IL1RAPL1: variants seen among roughly 807,000 people sequenced by gnomAD.
IL1RAPL1 encodes the protein interleukin 1 receptor accessory protein like 1.
Under a neutral mutation model 48.4 loss-of-function variants are expected in IL1RAPL1, and 3 were observed. The ratio of observed to expected loss-of-function variants is 0.06; its 90% CI spans 0.03 to 0.16. The LOEUF is 0.16. Ranked by LOEUF, IL1RAPL1 falls within the 10% of genes least tolerant of loss-of-function variation. The pLI, the probability that IL1RAPL1 is intolerant of heterozygous loss-of-function variation, is 1.00. For synonymous variants in IL1RAPL1, 185 were observed against 187.7 expected, an observed-to-expected ratio of 0.99 and a Z score of 0.12; for missense variants, 349 against 530.6, an observed-to-expected ratio of 0.66 and a Z score of 3.36.
rs1408893382 is a variant in IL1RAPL1, at chrX:29,350,161, A to C, written c.363-46097A>C. ...AAGTAGCATGGAGAAGAACAAGACC[A>C]GCCCCTCCCTTGGTCTACATACTGT... On this transcript the variant is annotated intron_variant, in intron 3 of 10. Transcript: ENST00000378993. Among the ~76,000 whole-genome samples, 7 of 87,390 alleles carry C rather than the reference A, an allele frequency of 8.0e-5. No individual in the cohort carries two copies. In the East Asian group the frequency reaches 1.1e-3, roughly 14 times the overall value. 75.9% of individuals were successfully genotyped at this position (87,390 alleles called of 115,157 possible).
chrX:29,713,317 C>T (rs995133486), intron 6 of IL1RAPL1, among the ~76,000 whole-genome samples: 8 of 111,453 alleles, frequency 7.2e-5, no homozygotes, highest in Admixed American at 9.6e-5. Context: ...ATACAGTTCT[C>T]CACCAAGTAG....
At chrX:28,938,080 T>C (rs1298243050) in intron 2 of IL1RAPL1, among the ~76,000 whole-genome samples, 1 of 111,662 alleles carries the variant, frequency 9.0e-6, no homozygotes, top group Non-Finnish European at 1.9e-5. Flanking sequence ...ATTATTAAAA[T>C]GGCAATACTA....
chrX:29,550,720 C>T (rs1921787712), intron 5 of IL1RAPL1, among the ~76,000 whole-genome samples: 1 of 111,554 alleles, frequency 9.0e-6, no homozygotes, highest in Non-Finnish European at 1.9e-5. Context: ...AGCTATTTTA[C>T]TGGTCCAGGG....
chrX:29,770,789 C>T (rs1929047285), intron 6 of IL1RAPL1, among the ~76,000 whole-genome samples: 1 of 112,339 alleles, frequency 8.9e-6, no homozygotes, highest in African/African-American at 3.2e-5. Flanking sequence ...AATTTTTATG[C>T]AGAATTTCAG....
At chrX:29,885,609 A>G (rs911818267) in intron 6 of IL1RAPL1, among the ~76,000 whole-genome samples, 1 of 111,650 alleles carries the variant, frequency 9.0e-6, no homozygotes, top group Non-Finnish European at 1.9e-5. Flanking sequence ...CCAGGACTTC[A>G]AGACCAGCAT....
intron 2 of IL1RAPL1, among the ~76,000 whole-genome samples, chrX:29,264,746 G>A (rs923043181): frequency 3.6e-5 from 4 of 110,291 alleles, no homozygotes; most frequent in Non-Finnish European, 7.6e-5. Flanking sequence ...TACTCTCTAT[G>A]TACCTGTTTA....
At chrX:29,397,767 T>C in intron 4 of IL1RAPL1, among the ~76,000 whole-genome samples, 1 of 111,544 alleles carries the variant, frequency 9.0e-6, no homozygotes, top group South Asian at 3.7e-4. Flanking sequence ...CCCTTTTTTT[T>C]CTTAGTACTC....
chrX:28,968,781 ATGTGTGTG>A (rs1924983992), intron 2 of IL1RAPL1, among the ~76,000 whole-genome samples: 1 of 113,000 alleles, frequency 8.8e-6, no homozygotes, highest in African/African-American at 3.2e-5. Flanking sequence ...ATTTGTGTGC[ATGTGTGTG>A]CACATACACA....
chrX:28,755,289 C>T (rs2147248083), intron 1 of IL1RAPL1, among the ~76,000 whole-genome samples: 1 of 112,654 alleles, frequency 8.9e-6, no homozygotes, highest in East Asian at 2.8e-4. Flanking sequence ...AGCCACCACA[C>T]TTGGCCTCAT....
intron 1 of IL1RAPL1, among the ~76,000 whole-genome samples, chrX:28,653,136 A>G (rs1287934532): frequency 8.9e-6 from 1 of 112,099 alleles, no homozygotes; most frequent in Admixed American, 9.5e-5. Context: ...TTTCAATACA[A>G]CATAATAAAG....
intron 5 of IL1RAPL1, among the ~76,000 whole-genome samples, chrX:29,408,066 G>T (rs1298559187): frequency 9.0e-6 from 1 of 111,606 alleles, no homozygotes. Flanking sequence ...TCTTCTGCCA[G>T]ATATATGTGG....
At chrX:28,980,768 A>C (rs927169799) in intron 2 of IL1RAPL1, among the ~76,000 whole-genome samples, 5 of 109,821 alleles carry the variant, frequency 4.6e-5, no homozygotes, top group African/African-American at 1.3e-4. Context: ...TTAAGGCTCA[A>C]GGGTCAAGTA....
intron 6 of IL1RAPL1, among the ~76,000 whole-genome samples, chrX:29,756,627 G>A (rs1205225455): frequency 9.0e-6 from 1 of 110,933 alleles, no homozygotes; most frequent in African/African-American, 3.3e-5. Context: ...TGGCCAGGCT[G>A]GTCTCGAACT....
intron 6 of IL1RAPL1, among the ~76,000 whole-genome samples, chrX:29,715,368 A>G (rs1927454501): frequency 9.0e-6 from 1 of 111,238 alleles, no homozygotes; most frequent in Non-Finnish European, 1.9e-5. Context: ...ATTCCTAACA[A>G]CTTCCAAAGT....
chrX:29,362,784 A>C (rs1260200162), intron 3 of IL1RAPL1, among the ~76,000 whole-genome samples: 3 of 112,114 alleles, frequency 2.7e-5, no homozygotes, highest in African/African-American at 9.7e-5. Flanking sequence ...CCTATTGCTC[A>C]TCGGAGTGAT....
At chrX:29,544,921 TCTGA>T (rs10590024) in intron 5 of IL1RAPL1, among the ~76,000 whole-genome samples, 5,675 of 110,387 alleles carry the variant, frequency 0.051, 228 homozygotes, top group African/African-American at 0.12. Context: ...TCTAATTCAG[TCTGA>T]CTGTCATCCT....
chrX:29,771,132 C>T (rs1161124108), intron 6 of IL1RAPL1, among the ~76,000 whole-genome samples: 3 of 112,029 alleles, frequency 2.7e-5, no homozygotes, highest in Non-Finnish European at 5.6e-5. Flanking sequence ...ATATTTGAAG[C>T]AGGAGACTCT....
chrX:28,985,733 C>G (rs1925453155), intron 2 of IL1RAPL1, among the ~76,000 whole-genome samples: 1 of 104,156 alleles, frequency 9.6e-6, no homozygotes, highest in Non-Finnish European at 1.9e-5. Context: ...GATCTCGGCT[C>G]ACTACAAGCT....
intron 8 of IL1RAPL1, among the ~76,000 whole-genome samples, chrX:29,936,075 G>A (rs1295244073): frequency 9.0e-6 from 1 of 110,700 alleles, no homozygotes; most frequent in Admixed American, 9.7e-5. Flanking sequence ...GTGAATAGCA[G>A]CTTGATTTGT....
Sources: allele counts gnomAD v4.1 joint callset (sites outside exome capture counted in the v4.1 genomes callset), GRCh38; gene constraint gnomAD v4.1.1; transcripts MANE v1.5; gene names NCBI Gene and HGNC (gene_info 2026-07-23, HGNC 2026-07-21).